Variants in BCKDHB observed in about 807,000 individuals in gnomAD.
BCKDHB encodes 2-oxoisovalerate dehydrogenase subunit beta, mitochondrial.
In BCKDHB, 41 loss-of-function variants were observed where a neutral mutation model predicts 48.5. That is an observed-to-expected ratio of 0.85 (90% CI 0.66 to 1.10). The LOEUF (loss-of-function observed/expected upper bound fraction) is 1.10. BCKDHB is among the 50% of genes least tolerant of loss of function. The pLI, the probability that BCKDHB is intolerant of heterozygous loss-of-function variation, is 0.00. For missense variants in BCKDHB, 496 were observed against 494.2 expected (o/e 1.00, Z -0.03); for synonymous variants, 201 against 174.8 (o/e 1.15, Z -1.18).
In BCKDHB at chr6:80,178,022, A is replaced by G. The variant is rs145992937; in HGVS notation, c.742+6632A>G. 1.7e-3 allele frequency among the ~76,000 whole-genome samples: 265 copies of G among 152,298 alleles called. 1 individual carries two copies. Among genetic ancestry groups the G allele is most frequent in the African/African-American group, 6.0e-3 (251 of 41,564 alleles). On this transcript the variant is annotated intron_variant, in intron 6 of 9. Transcript: ENST00000320393. ...CCTCTGGGTTTCTTCTTTTCCTTGTAGAACATACTCTTTCCATGCTTACTG... is the reference window on the plus strand; with the variant it reads ...CCTCTGGGTTTCTTCTTTTCCTTGTGGAACATACTCTTTCCATGCTTACTG...
the BCKDHB span, among the ~76,000 whole-genome samples, chr6:80,404,478 A>T: frequency 2.0e-5 from 3 of 151,710 alleles, no homozygotes; most frequent in Non-Finnish European, 4.4e-5. Flanking sequence ...TAGTTTAGCT[A>T]AGAATTTGTC....
chr6:80,399,090 T>C, the BCKDHB span, among the ~76,000 whole-genome samples: 2 of 152,098 alleles, frequency 1.3e-5, no homozygotes, highest in Non-Finnish European at 2.9e-5. Context: ...AAACTAGATA[T>C]TGAAGGAACA....
chr6:80,311,117 A>T (rs1282893387), intron 9 of BCKDHB, among the ~76,000 whole-genome samples: 1 of 151,732 alleles, frequency 6.6e-6, no homozygotes, highest in Admixed American at 6.6e-5. Flanking sequence ...TGTTCTCATG[A>T]TAGTGAATAA....
chr6:80,159,326 A>T (rs933868560), intron 3 of BCKDHB, among the ~76,000 whole-genome samples: 3 of 152,148 alleles, frequency 2.0e-5, no homozygotes, highest in African/African-American at 7.2e-5. Flanking sequence ...CTATCTTCTC[A>T]ACTAGTACAG....
At chr6:80,146,337 G>T (rs762116646) in intron 3 of BCKDHB, among the ~76,000 whole-genome samples, 2 of 152,084 alleles carry the variant, frequency 1.3e-5, no homozygotes, top group African/African-American at 4.8e-5. Flanking sequence ...TAAAAATAAC[G>T]CCTGGTAACT....
intron 1 of BCKDHB, among the ~76,000 whole-genome samples, chr6:80,124,817 A>G (rs1582186043): frequency 1.3e-5 from 2 of 152,166 alleles, no homozygotes; most frequent in South Asian, 4.1e-4. Context: ...AAACCCTGAT[A>G]TAAATAGATG....
rs191288679 is a variant in BCKDHB, at chr6:80,184,834, G to A, written c.742+13444G>A. ...TAATCTGAGAGGTTTTCCTTTATAG[G>A]TTACCTGATGCTTTTGCCTCACAAC... On this transcript the variant is annotated intron_variant, in intron 6 of 9. Transcript: ENST00000320393. Among the ~76,000 whole-genome samples, 725 of 152,192 alleles carry A rather than the reference G, an allele frequency of 4.8e-3. 4 individuals carry two copies. The highest frequency in any genetic ancestry group is 8.0e-3 in the Admixed American group (122 of 15,284).
chr6:80,168,941 A>C lies in BCKDHB; in HGVS notation c.544A>C (p.Ile182Leu), dbSNP rs765858301. The C allele has an allele frequency of 2.5e-6, 4 of 1,614,140 alleles. No homozygotes were observed. Among genetic ancestry groups the C allele is most frequent in the African/African-American group, 1.3e-5 (1 of 75,042 alleles). Reference protein sequence around the residue: ...GDLFNCGSLTIRSPWGCVGHG... With the variant: ...GDLFNCGSLTLRSPWGCVGHG... ...TCTTTTTAACTGTGGAAGCCTCACT[A>C]TCCGGTCCCCTTGGGGCTGTGTTGG... is the stretch of plus-strand genomic sequence containing the variant. The change falls in exon 5 of 10, where the codon ATC (isoleucine) becomes CTC (leucine). Residue 182 changes from isoleucine (I) to leucine (L), a missense_variant. Ile to Leu is a conservative substitution (Grantham distance 5). Coordinates refer to ENST00000320393, the MANE Select transcript of BCKDHB (RefSeq NM_183050.4).
the BCKDHB span, among the ~76,000 whole-genome samples, chr6:80,387,197 G>A: frequency 6.6e-6 from 1 of 152,174 alleles, no homozygotes; most frequent in Non-Finnish European, 1.5e-5. Flanking sequence ...AGTGGGTCCA[G>A]TGGGTTCCTG....
the BCKDHB span, among the ~76,000 whole-genome samples, chr6:80,370,189 A>G: frequency 1.3e-5 from 2 of 152,192 alleles, no homozygotes; most frequent in South Asian, 2.1e-4. Context: ...ACAATATAAC[A>G]TAGTACATAG....
At chr6:80,115,820 T>G (rs905218933) in intron 1 of BCKDHB, among the ~76,000 whole-genome samples, 1 of 152,024 alleles carries the variant, frequency 6.6e-6, no homozygotes, top group African/African-American at 2.4e-5. Flanking sequence ...GTATTTTTAG[T>G]AGAGACGGAG....
At chr6:80,231,805 A>C (rs1477767684) in intron 8 of BCKDHB, among the ~76,000 whole-genome samples, 2 of 152,158 alleles carry the variant, frequency 1.3e-5, no homozygotes, top group Non-Finnish European at 1.5e-5. Flanking sequence ...TCTCTACTAA[A>C]GATACAAAAA....
At position 80,273,241 on chromosome 6, in the gene BCKDHB, T is replaced by C. The variant is rs758386968; in HGVS notation, c.1038+20T>C. 1.3e-5 allele frequency: 21 copies of C among 1,591,926 alleles called. No homozygotes were observed. In the East Asian group the frequency reaches 4.5e-4, roughly 34 times the overall value. On this transcript the variant is annotated intron_variant, in intron 9 of 9. Coordinates refer to ENST00000320393, the MANE Select transcript of BCKDHB (RefSeq NM_183050.4). ...GTTCAGGTAGAGTAATTTTTGGAACTGATTTCAATGCTTGTGCAATTCCAC... is the reference window on the plus strand; with the variant it reads ...GTTCAGGTAGAGTAATTTTTGGAACCGATTTCAATGCTTGTGCAATTCCAC...
intron 4 of BCKDHB, among the ~76,000 whole-genome samples, chr6:80,168,426 GAAGAA>G (rs1772690559): frequency 2.2e-4 from 19 of 84,666 alleles, no homozygotes; most frequent in African/African-American, 2.8e-4. Context: ...GGGAGGGAAG[GAAGAA>G]AAGGAAGAGA....
chr6:80,432,255 G>A, the BCKDHB span, among the ~76,000 whole-genome samples: 1 of 152,084 alleles, frequency 6.6e-6, no homozygotes, highest in Non-Finnish European at 1.5e-5. Context: ...AGTTCTCCTG[G>A]ATAATATCCT....
chr6:80,167,579 CT>C, intron 3 of BCKDHB, 98 bp from the exon 4 acceptor site: 1 of 1,250,720 alleles, frequency 8.0e-7, no homozygotes, highest in Non-Finnish European at 1.2e-6. Context: ...CTGTTCTATA[CT>C]TCTCCATCCC....
intron 8 of BCKDHB, 47 bp downstream of exon 8, chr6:80,203,259 C>T: frequency 7.6e-7 from 1 of 1,308,156 alleles, no homozygotes; most frequent in Non-Finnish European, 1.1e-6. Flanking sequence ...AAACCTTTGG[C>T]CAAATATGTT....
chr6:80,178,110 C>G (rs1349947323), intron 6 of BCKDHB, among the ~76,000 whole-genome samples: 1 of 152,204 alleles, frequency 6.6e-6, no homozygotes, highest in Non-Finnish European at 1.5e-5. Context: ...CCTGCATGAT[C>G]TCAGGACATG....
At chr6:80,238,558 T>C (rs1776241124) in intron 8 of BCKDHB, among the ~76,000 whole-genome samples, 1 of 152,012 alleles carries the variant, frequency 6.6e-6, no homozygotes. Flanking sequence ...GTGGAAGATT[T>C]TGTTTTTTCA....
Sources: gnomAD v4.1 joint callset for allele counts (sites outside exome capture counted in the v4.1 genomes callset) on GRCh38, gnomAD v4.1.1 for gene constraint, MANE v1.5 for transcripts, NCBI Gene and HGNC (gene_info 2026-07-23, HGNC 2026-07-21) for gene names.